The following TTN variants were observed in gnomAD, a reference collection of about 807,000 sequenced individuals.
The protein encoded by TTN is titin, also known as connectin.
Under a neutral mutation model 3,223.0 loss-of-function variants are expected in TTN, and 1,525 were observed. That is an observed-to-expected ratio of 0.47 (90% CI 0.45 to 0.49). TTN has a LOEUF of 0.49. Among genes scored for constraint, TTN ranks in the 20% least tolerant of loss-of-function variants. The pLI is 0.00. For synonymous variants in TTN, 14,094 were observed against 15,161.0 expected (o/e 0.93, Z 5.17); for missense variants, 40,786 against 43,424.0 (o/e 0.94, Z 5.40).
rs768158620 is a variant in TTN, at chr2:178,534,058, G to A, written c.102557C>T (p.Thr34186Ile). Residue 34186 changes from threonine (T) to isoleucine (I), a missense_variant, in exon 358 of 363, where the codon ACC (threonine) becomes ATC (isoleucine). Coordinates refer to ENST00000589042, the MANE Select transcript of TTN (RefSeq NM_001267550.2). ...QLENSEKYEI[T>I]YEDGVAILYV... Reference sequence around the variant, plus strand: ...GAGGATGGCCACTCCATCTTCGTAGGTGATTTCGTATTTCTCACTGTTCTC... The same window carrying A: ...GAGGATGGCCACTCCATCTTCGTAGATGATTTCGTATTTCTCACTGTTCTC... 1 of 1,613,938 alleles carries A rather than the reference G, an allele frequency of 6.2e-7. No homozygotes were observed. The highest frequency in any genetic ancestry group is 8.5e-7 in the Non-Finnish European group (1 of 1,179,860).
intron 98 of TTN, among the ~76,000 whole-genome samples, chr2:178,710,109 A>AG (rs754703817): frequency 3.9e-5 from 6 of 152,206 alleles, no homozygotes; most frequent in Admixed American, 2.0e-4. Flanking sequence ...TGTAAAAAGA[A>AG]GGGGTAGTCT....
intron 104 of TTN, 28 bp downstream of exon 104, chr2:178,704,849 A>G: frequency 6.2e-7 from 1 of 1,610,752 alleles, no homozygotes; most frequent in Non-Finnish European, 8.5e-7. Context: ...TAACTTGTTC[A>G]TTTTATTATC....
At position 178,753,264 on chromosome 2, in the gene TTN, T is replaced by A. The variant is rs2086064866; in HGVS notation, c.11255-84A>T. 5 of 1,148,084 alleles carry A rather than the reference T, an allele frequency of 4.4e-6. No individual in the cohort carries two copies. In the African/African-American group the frequency reaches 4.7e-5, roughly 11 times the overall value. The allele number at this position is 1,148,084 out of a possible 1,614,324, so 71.1% of individuals were successfully genotyped here. Reference sequence around the variant, plus strand: ...CAATTCATGACTTGTATGATTAAAGTTTTCTTTTTATTATAACAACAGAAA... The same window carrying A: ...CAATTCATGACTTGTATGATTAAAGATTTCTTTTTATTATAACAACAGAAA... On this transcript the variant is annotated intron_variant, in intron 46 of 362. Transcript: ENST00000589042.
In TTN at chr2:178,641,301, G is replaced by C; in HGVS notation, c.40573C>G (p.Pro13525Ala). 2 of 1,496,006 alleles carry C rather than the reference G, an allele frequency of 1.3e-6. No homozygotes were observed. The highest frequency in any genetic ancestry group is 2.6e-5 in the South Asian group (2 of 75,948). 92.7% of individuals were successfully genotyped at this position (1,496,006 alleles called of 1,614,324 possible). A position where few individuals can be genotyped will look rare whatever the true frequency, so the allele number is the denominator to read the frequency against. ...VVLKSVLRKRPEEEEPKVEPK... is the reference protein window; with the variant it reads ...VVLKSVLRKRAEEEEPKVEPK... ...TCTACTTTAGGTTCTTCTTCTTCAG[G>C]TCTTTTTCTTAGAACTTTAAAGACA... The change falls in exon 220 of 363, where the codon CCT becomes GCT. Residue 13525 changes from proline to alanine, a missense_variant. By Grantham distance (27) the Pro-to-Ala change is conservative (BLOSUM62 -1). Transcript: ENST00000589042.
rs1250046145 is a variant in TTN, at chr2:178,545,927, G to T, written c.95309C>A (p.Thr31770Asn). ...GECPTLSYVV[T>N]RLIKNNEYIF... is the part of the protein sequence containing the mutation. ...GTACTCATTGTTCTTGATGAGCCTG[G>T]TAACGACATAGGATAGGGTTGGGCA... Residue 31770 changes from threonine (T) to asparagine (N), a missense_variant, in exon 343 of 363, where the codon ACC becomes AAC. By Grantham distance (65) the Thr-to-Asn change is moderately conservative. Transcript: ENST00000589042. The T allele has an allele frequency of 1.2e-6, 2 of 1,613,890 alleles. No individual in the cohort carries two copies. Among genetic ancestry groups the T allele is most frequent in the Admixed American group, 1.7e-5 (1 of 60,014 alleles).
chr2:178,784,855 C>G (rs889729365), intron 15 of TTN, among the ~76,000 whole-genome samples: 1 of 152,120 alleles, frequency 6.6e-6, no homozygotes, highest in African/African-American at 2.4e-5. Flanking sequence ...TGCTTTTATT[C>G]TGTTGTGGTC....
chr2:178,743,468 C>T (rs373164380), intron 47 of TTN, among the ~76,000 whole-genome samples: 29 of 151,842 alleles, frequency 1.9e-4, no homozygotes, highest in Non-Finnish European at 3.5e-4. Context: ...TGTTATTCTG[C>T]GTATACTCAA....
Position 178,539,449 on chromosome 2 carries a change from T to C in TTN, c.98616A>G (p.Ala32872=). 6.2e-7 allele frequency: 1 copy of C among 1,613,914 alleles called. No homozygotes were observed. The highest frequency in any genetic ancestry group is 8.5e-7 in the Non-Finnish European group (1 of 1,179,794). The change falls in exon 352 of 363, where the codon GCA becomes GCG. Residue 32872 remains alanine (A), a synonymous_variant. Coordinates refer to ENST00000589042, the MANE Select transcript of TTN (RefSeq NM_001267550.2). ...ENVEYHFRVS[A]ENQFGISKPL... is the part of the protein sequence containing the mutation. The stretch of plus-strand genomic sequence containing the variant: ...GTTTGCTTATGCCAAACTGGTTTTC[T>C]GCTGAAACACGGAAATGGTATTCTA...
chr2:178,647,492 T>C, intron 213 of TTN, 28 bp from the exon 214 acceptor site: 1 of 1,545,628 alleles, frequency 6.5e-7, no homozygotes, highest in Non-Finnish European at 8.7e-7. Flanking sequence ...TGTTTACTAT[T>C]AAGAATTTAG....
In TTN at chr2:178,732,143, T is replaced by C; in HGVS notation, c.16826A>G (p.Glu5609Gly). ...AVLRLTDVGIEDSGEYMCEAQ... is the reference protein window; with the variant it reads ...AVLRLTDVGIGDSGEYMCEAQ... ...CTCACACATATATTCACCACTGTCT[T>C]CGATGCCAACATCTGTCAGTCTTAG... Residue 5609 changes from glutamate to glycine, a missense_variant, in exon 57 of 363, where the codon GAA becomes GGA. Glu to Gly is a moderately conservative substitution (Grantham distance 98, BLOSUM62 -2). Coordinates refer to ENST00000589042, the MANE Select transcript of TTN (RefSeq NM_001267550.2). The C allele has an allele frequency of 6.2e-7, 1 of 1,613,822 alleles. No individual in the cohort carries two copies.
chr2:178,730,332 A>G lies in TTN; in HGVS notation c.18068T>C (p.Val6023Ala), dbSNP rs1037108046. The G allele has an allele frequency of 2.2e-5, 36 of 1,608,490 alleles. No homozygotes were observed. Among genetic ancestry groups the G allele is most frequent in the Non-Finnish European group, 2.7e-5 (32 of 1,176,896 alleles). Reference protein sequence around the residue: ...YFVEKPQSQDVNPNTRVQLKA... With the variant: ...YFVEKPQSQDANPNTRVQLKA... The stretch of plus-strand genomic sequence containing the variant: ...TAACTGTACCCTTGTGTTGGGATTG[A>G]CATCTTGTGACTGTGGCTTTTCCAC... The change falls in exon 62 of 363, where the codon GTC becomes GCC. Residue 6023 changes from valine (V) to alanine (A), a missense_variant. Val to Ala is a moderately conservative substitution (Grantham distance 64, BLOSUM62 0). Transcript: ENST00000589042.
rs761150654 is a variant in TTN, at chr2:178,553,711, GCA to G, written c.89292_89293del (p.Ala29765CysfsTer61). 2 of 1,613,738 alleles carry G rather than the reference GCA, an allele frequency of 1.2e-6. No individual in the cohort carries two copies. The highest frequency in any genetic ancestry group is 1.7e-6 in the Non-Finnish European group (2 of 1,179,760). On this transcript the variant is annotated frameshift_variant, in exon 334 of 363. Coordinates refer to ENST00000589042, the MANE Select transcript of TTN (RefSeq NM_001267550.2). LOFTEE classifies it high-confidence loss of function. The stretch of plus-strand genomic sequence containing the variant: ...TATCTCGACAACATACCCAGTAACA[GCA>G]CTGCCCCCATCATAGACAGGCTTAC...
chr2:178,651,594 T>C, intron 206 of TTN, 58 bp from the exon 207 acceptor site: 1 of 1,611,208 alleles, frequency 6.2e-7, no homozygotes, highest in Non-Finnish European at 8.5e-7. Flanking sequence ...GTGAAAATCA[T>C]GAAGCAGAAC....
intron 22 of TTN, 80 bp downstream of exon 22, chr2:178,779,920 C>T: frequency 6.8e-7 from 1 of 1,468,332 alleles, no homozygotes. Context: ...GAGCTCATCA[C>T]TTGAAAATGA....
At position 178,704,722 on chromosome 2, in the gene TTN, G is replaced by A; in HGVS notation, c.29750C>T (p.Ala9917Val). The A allele has an allele frequency of 6.2e-7, 1 of 1,611,108 alleles. No homozygotes were observed. The highest frequency in any genetic ancestry group is 8.5e-7 in the Non-Finnish European group (1 of 1,179,492). ...AATTTTAATGTCAATTTCAAAGACA[G>A]CATCATTATCTTTCAAAACTGTCTG... ...ENQTVLKDND[A>V]VFEIDIKINY... The change falls in exon 105 of 363, where the codon GCT (alanine) becomes GTT (valine). Residue 9917 changes from alanine (A) to valine (V), a missense_variant. Physicochemically the swap from Ala to Val is moderately conservative, Grantham distance 64 (BLOSUM62 0). Transcript: ENST00000589042.
rs1468514698 is a variant in TTN, at chr2:178,746,405, G to A, written c.11312-4484C>T. ...ATGGTCAGGAGTAAATTCGGGAACT[G>A]TCACTATTTTCACCTGCTTCTCAAA... On this transcript the variant is annotated intron_variant, in intron 47 of 362. Coordinates refer to ENST00000589042, the MANE Select transcript of TTN (RefSeq NM_001267550.2). 1.7e-5 allele frequency: 28 copies of A among 1,609,394 alleles called. No individual in the cohort carries two copies. In the East Asian group the frequency reaches 6.0e-4, roughly 35 times the overall value.
Position 178,564,940 on chromosome 2 carries a change from A to G in TTN, c.81192T>C (p.Val27064=), listed in dbSNP as rs1414578373. ...GTTCTTTAAATGGATATTGTACAAT[A>G]ACTGCCTTAGAATCCAGTGGGGCAC... ...GKSAPLDSKA[V]IVQYPFKEPG... is the part of the protein sequence containing the mutation. The change falls in exon 326 of 363, where the codon GTT becomes GTC. Residue 27064 remains valine, a synonymous_variant. Transcript: ENST00000589042. 6.2e-7 allele frequency: 1 copy of G among 1,612,504 alleles called. No individual in the cohort carries two copies. Among genetic ancestry groups the G allele is most frequent in the Admixed American group, 1.7e-5 (1 of 59,844 alleles).
Position 178,529,944 on chromosome 2 carries a change from A to G in TTN, c.106531+16T>C. 6.3e-7 allele frequency: 1 copy of G among 1,580,178 alleles called. No individual in the cohort carries two copies. The highest frequency in any genetic ancestry group is 8.5e-7 in the Non-Finnish European group (1 of 1,171,526). On this transcript the variant is annotated intron_variant, in intron 359 of 362. Coordinates refer to ENST00000589042, the MANE Select transcript of TTN (RefSeq NM_001267550.2). ...ATCTTCTGAAGAAATGTGGGTAAAA[A>G]CAAAAGCCAACCTACCTTTTATTGT...
chr2:178,737,891 A>G (rs2081805596), intron 49 of TTN, 191 bp downstream of exon 49: 4 of 579,188 alleles, frequency 6.9e-6, no homozygotes, highest in Non-Finnish European at 1.1e-5. Context: ...TTTGGTCAGT[A>G]GTAGAAATGT....
Sources: allele counts gnomAD v4.1 joint callset (sites outside exome capture counted in the v4.1 genomes callset), GRCh38; gene constraint gnomAD v4.1.1; transcripts MANE v1.5; gene names NCBI Gene and HGNC (gene_info 2026-07-23, HGNC 2026-07-21).